Variants in RGS6 observed in about 807,000 individuals in gnomAD.
RGS6 encodes regulator of G protein signaling 6.
RGS6 carries 30 observed loss-of-function variants against 78.5 expected under a neutral mutation model. That is an observed-to-expected ratio of 0.38 (90% CI 0.29 to 0.52). The LOEUF (loss-of-function observed/expected upper bound fraction) is 0.52. Among genes scored for constraint, RGS6 ranks in the 20% least tolerant of loss-of-function variants. The pLI, the probability that RGS6 is intolerant of heterozygous loss-of-function variation, is 0.85. For missense variants in RGS6, 495 were observed against 609.7 expected (o/e 0.81, Z 1.98); for synonymous variants, 206 against 206.0 (o/e 1.00, Z 0.00).
intron 2 of RGS6, among the ~76,000 whole-genome samples, chr14:72,090,128 AAT>A (rs1491228122): frequency 0.017 from 2,422 of 145,112 alleles, 146 homozygotes; most frequent in African/African-American, 0.059. Context: ...AAAAAAAAAA[AAT>A]AAAGCCTTCA....
chr14:72,302,502 G>C (rs565658175), intron 2 of RGS6, among the ~76,000 whole-genome samples: 1 of 152,246 alleles, frequency 6.6e-6, no homozygotes, highest in South Asian at 2.1e-4. Context: ...CTACTCCAGT[G>C]TTTATCAAAC....
At chr14:72,599,533 C>A in the RGS6 span, among the ~76,000 whole-genome samples, 1 of 149,548 alleles carries the variant, frequency 6.7e-6, no homozygotes, top group African/African-American at 2.5e-5. Flanking sequence ...CTCAACCTCC[C>A]GAGTAGCTGG....
At chr14:72,011,092 G>T (rs75038757) in intron 2 of RGS6, among the ~76,000 whole-genome samples, 2 of 152,304 alleles carry the variant, frequency 1.3e-5, no homozygotes, top group East Asian at 3.9e-4. Flanking sequence ...TAAATTTGTT[G>T]TAATTTTGTC....
chr14:72,350,559 A>G (rs1374898203), intron 2 of RGS6, among the ~76,000 whole-genome samples: 2 of 152,180 alleles, frequency 1.3e-5, no homozygotes, highest in African/African-American at 4.8e-5. Flanking sequence ...TCTGGATTAC[A>G]CTATTTAATA....
chr14:72,566,663 ACACACACACACACACACAC>A (rs2097712725), downstream of RGS6: 1 of 144,526 alleles, frequency 6.9e-6, no homozygotes, highest in South Asian at 2.3e-4. Context: ...ACACACACAC[ACACACACACACACACACAC>A]CTGTTTCCTT....
intron 2 of RGS6, among the ~76,000 whole-genome samples, chr14:72,179,020 C>T (rs910035235): frequency 2.0e-5 from 3 of 152,146 alleles, no homozygotes; most frequent in African/African-American, 7.2e-5. Context: ...TATTTCTGAC[C>T]TGGCGAAAAC....
chr14:72,139,020 C>G (rs1040790130), intron 2 of RGS6, among the ~76,000 whole-genome samples: 1 of 152,156 alleles, frequency 6.6e-6, no homozygotes, highest in African/African-American at 2.4e-5. Context: ...TTCCATGAAA[C>G]CAGTCCCTGC....
intron 2 of RGS6, among the ~76,000 whole-genome samples, chr14:72,249,156 C>G (rs2054989153): frequency 6.6e-6 from 1 of 152,168 alleles, no homozygotes; most frequent in Admixed American, 6.5e-5. Flanking sequence ...GAGTAAACCT[C>G]TAGAGTAGAT....
chr14:71,948,194 A>G (rs993219107), intron 1 of RGS6, among the ~76,000 whole-genome samples: 23 of 150,420 alleles, frequency 1.5e-4, no homozygotes, highest in African/African-American at 4.0e-4. Context: ...CTACCCTCAC[A>G]TCTTTTCAAC....
intron 2 of RGS6, among the ~76,000 whole-genome samples, chr14:72,005,434 C>CAT (rs2084321598): frequency 1.1e-4 from 2 of 18,834 alleles, no homozygotes; most frequent in East Asian, 3.0e-3. Flanking sequence ...TACACACCTG[C>CAT]ATATCTCTAT....
At chr14:71,898,207 C>T in the RGS6 span, among the ~76,000 whole-genome samples, 1 of 152,184 alleles carries the variant, frequency 6.6e-6, no homozygotes, top group Non-Finnish European at 1.5e-5. Context: ...CCATGCTTTA[C>T]AGTAAATCTC....
At chr14:71,894,754 T>C in the RGS6 span, among the ~76,000 whole-genome samples, 1 of 152,142 alleles carries the variant, frequency 6.6e-6, no homozygotes, top group Non-Finnish European at 1.5e-5. Flanking sequence ...TATATGACTG[T>C]TTTTGTGTCT....
At chr14:72,559,420 A>C (rs1455297945) in intron 17 of RGS6, among the ~76,000 whole-genome samples, 1 of 152,206 alleles carries the variant, frequency 6.6e-6, no homozygotes, top group South Asian at 2.1e-4. Context: ...CCATGCCCGC[A>C]TCCTGCATGA....
chr14:72,624,333 CTTTTTT>C, the RGS6 span, among the ~76,000 whole-genome samples: 1 of 97,802 alleles, frequency 1.0e-5, no homozygotes, highest in East Asian at 3.3e-4. Flanking sequence ...ACCTATGTCT[CTTTTTT>C]TTTTTTTTTT....
the RGS6 span, among the ~76,000 whole-genome samples, chr14:71,879,217 A>G: frequency 6.6e-6 from 1 of 152,230 alleles, no homozygotes; most frequent in Non-Finnish European, 1.5e-5. Context: ...TGAAAGCACA[A>G]AATGAAAGTT....
chr14:72,505,597 A>C (rs183423548), intron 13 of RGS6, among the ~76,000 whole-genome samples: 1 of 152,188 alleles, frequency 6.6e-6, no homozygotes, highest in African/African-American at 2.4e-5. Flanking sequence ...CTTAGTTTAG[A>C]TATTGATTGA....
the RGS6 span, among the ~76,000 whole-genome samples, chr14:71,868,126 A>G: frequency 6.6e-6 from 1 of 152,112 alleles, no homozygotes; most frequent in Non-Finnish European, 1.5e-5. Context: ...CCACCCCAAC[A>G]TCAGCAGGAA....
chr14:72,415,241 G>T (rs532914276), intron 3 of RGS6, among the ~76,000 whole-genome samples: 44 of 152,328 alleles, frequency 2.9e-4, no homozygotes, highest in African/African-American at 1.1e-3. Context: ...GGGCAATGGC[G>T]GGTGCCCCTC....
At chr14:72,168,543 T>C (rs1027674735) in intron 2 of RGS6, among the ~76,000 whole-genome samples, 1 of 152,234 alleles carries the variant, frequency 6.6e-6, no homozygotes, top group African/African-American at 2.4e-5. Context: ...GCGTAAGATA[T>C]CTCATCAATA....
Sources: gnomAD v4.1 joint callset for allele counts (sites outside exome capture counted in the v4.1 genomes callset) on GRCh38, gnomAD v4.1.1 for gene constraint, MANE v1.5 for transcripts, NCBI Gene and HGNC (gene_info 2026-07-23, HGNC 2026-07-21) for gene names.